Variants in AKAP8 observed in about 807,000 individuals in gnomAD.
The protein encoded by AKAP8 is A-kinase anchoring protein 8.
Under a neutral mutation model 67.5 loss-of-function variants are expected in AKAP8, and 24 were observed. The observed-to-expected ratio is 0.36, with a 90% CI of 0.26 to 0.50. The LOEUF is 0.50. Ranked by LOEUF, AKAP8 falls within the 20% of genes least tolerant of loss-of-function variation. The probability of loss-of-function intolerance (pLI) is 0.97; values close to 1 mark genes in which losing one functional copy is unlikely to be tolerated. For synonymous variants in AKAP8, 400 were observed against 371.1 expected (o/e 1.08, Z -0.90); for missense variants, 971 against 955.9 (o/e 1.02, Z -0.21).
intron 13 of AKAP8, among the ~76,000 whole-genome samples, chr19:15,355,810 C>T (rs1039221256): frequency 4.6e-5 from 7 of 151,838 alleles, no homozygotes; most frequent in African/African-American, 1.7e-4. Flanking sequence ...GATCTCAGCT[C>T]ACCACAACCT....
In AKAP8 at chr19:15,369,202, T is replaced by A. The variant is rs929388627; in HGVS notation, c.1073-880A>T. 1 of 985,364 alleles carries A rather than the reference T, an allele frequency of 1.0e-6. No homozygotes were observed. The highest frequency in any genetic ancestry group is 1.7e-5 in the African/African-American group (1 of 57,224). 61.0% of individuals were successfully genotyped at this position (985,364 alleles called of 1,614,324 possible). ...CTATGACTGCTGTTTAATAGCAAAG[T>A]CATCCCGGGTAGGTAGCAGGACCTG... On this transcript the variant is annotated intron_variant, in intron 8 of 13. Transcript: ENST00000269701. The surrounding 1 kb of genome is among the most constrained non-coding windows in gnomAD (Gnocchi z 4.6).
rs1299204029 is a variant in AKAP8 at position 15,372,261 on chromosome 19, G to A, written c.948C>T (p.Thr316=). The part of the protein sequence containing the change: ...KQFQLYEEPD[T]KLARVDSEGD... ...CTTCACTGTCAACCCGGGCCAGTTT[G>A]GTGTCTGGCTCCTCGTAAAGTTGGA... Residue 316 remains threonine, a synonymous_variant, in exon 6 of 14, where the codon ACC becomes ACT. Coordinates refer to ENST00000269701, the MANE Select transcript of AKAP8 (RefSeq NM_005858.4). 1.2e-6 allele frequency: 2 copies of A among 1,614,048 alleles called. No individual in the cohort carries two copies. Among genetic ancestry groups the A allele is most frequent in the African/African-American group, 2.7e-5 (2 of 74,904 alleles).
intron 7 of AKAP8, among the ~76,000 whole-genome samples, chr19:15,370,851 C>T (rs1171853382): frequency 6.6e-6 from 1 of 152,010 alleles, no homozygotes; most frequent in Non-Finnish European, 1.5e-5. Context: ...AGGATGGTCT[C>T]AATCTTGTGA....
At chr19:15,370,491 C>T (rs551576876) in intron 7 of AKAP8, among the ~76,000 whole-genome samples, 82 of 152,198 alleles carry the variant, frequency 5.4e-4, no homozygotes, top group Admixed American at 1.3e-3. Flanking sequence ...CCCACCCGTA[C>T]AATTCTATGA....
rs187626842 is a variant in AKAP8, at chr19:15,353,489, G to A, written c.*1426C>T. 1 of 152,064 alleles carries A rather than the reference G, an allele frequency of 6.6e-6. No individual in the cohort carries two copies. Among genetic ancestry groups the A allele is most frequent in the African/African-American group, 2.4e-5 (1 of 41,484 alleles). The allele number at this position is 152,064 out of a possible 1,614,324, so 9.4% of individuals were successfully genotyped here. A position where few individuals can be genotyped will look rare whatever the true frequency, so the allele number is the denominator to read the frequency against. ...TAAGACGCATCTACACAACACAAAC[G>A]GATGCTGAGCAGAAATGACCCAGAG... On this transcript the variant is annotated 3_prime_UTR_variant, in exon 14 of 14. Transcript: ENST00000269701.
At chr19:15,366,587 A>C (rs1214625442) in intron 9 of AKAP8, among the ~76,000 whole-genome samples, 4 of 150,690 alleles carry the variant, frequency 2.7e-5, no homozygotes, top group African/African-American at 9.8e-5. Context: ...GCTGGAGTGC[A>C]GTAGCACAAT....
chr19:15,374,730 G>A (rs1967223328), intron 2 of AKAP8, 95 bp from the exon 3 acceptor site: 7 of 1,462,848 alleles, frequency 4.8e-6, no homozygotes, highest in Non-Finnish European at 5.7e-6. Flanking sequence ...CAGCCCCAGG[G>A]CCAGGGCTTC....
At position 15,355,126 on chromosome 19, in the gene AKAP8, T is replaced by C; in HGVS notation, c.1868A>G (p.Gln623Arg). 6.2e-7 allele frequency: 1 copy of C among 1,613,706 alleles called. No individual in the cohort carries two copies. ...AEAGSDPQAE[Q>R]LLEEQVPCGT... ...ACAGGGCACCTGCTCTTCCAGCAGCTGTTCGGCTTGAGGATCACTACCGGC... is the reference window on the plus strand; with the variant it reads ...ACAGGGCACCTGCTCTTCCAGCAGCCGTTCGGCTTGAGGATCACTACCGGC... Residue 623 changes from glutamine to arginine, a missense_variant, in exon 14 of 14, where the codon CAG becomes CGG. Gln to Arg is a conservative substitution (Grantham distance 43, BLOSUM62 1). Coordinates refer to ENST00000269701, the MANE Select transcript of AKAP8 (RefSeq NM_005858.4).
Position 15,355,278 on chromosome 19 carries a change from C to A in AKAP8, c.1716G>T (p.Glu572Asp). 6.2e-7 allele frequency: 1 copy of A among 1,613,506 alleles called. No individual in the cohort carries two copies. Among genetic ancestry groups the A allele is most frequent in the East Asian group, 2.2e-5 (1 of 44,892 alleles). Residue 572 changes from glutamate to aspartate, a missense_variant, in exon 14 of 14, where the codon GAG (glutamate) becomes GAT (aspartate). Transcript: ENST00000269701. ...GGEDKKETPE[E>D]VAADVLAEVI... ...CCTCTGCTAAGACGTCCGCGGCCAC[C>A]TCCTCAGGTGTCTCTTTCTTATCCT...
In AKAP8 at chr19:15,355,343, C is replaced by T. The variant is rs1187703234; in HGVS notation, c.1651G>A (p.Val551Ile). 1 of 1,613,644 alleles carries T rather than the reference C, an allele frequency of 6.2e-7. No individual in the cohort carries two copies. The highest frequency in any genetic ancestry group is 8.5e-7 in the Non-Finnish European group (1 of 1,179,950). ...KGEDPFTSET[V>I]DPEMEGDDNL... ...TCATCTCCTTCCATTTCTGGATCAA[C>T]AGTTTCACTGGTGAAAGGGTCCTCA... is the stretch of plus-strand genomic sequence containing the variant. Residue 551 changes from valine (V) to isoleucine (I), a missense_variant, in exon 14 of 14, where the codon GTT (valine) becomes ATT (isoleucine). Transcript: ENST00000269701.
intron 13 of AKAP8, among the ~76,000 whole-genome samples, chr19:15,357,428 CAAAAAAAAAA>C (rs59205660): frequency 1.5e-4 from 6 of 40,702 alleles, no homozygotes; most frequent in African/African-American, 2.2e-4. Flanking sequence ...GACTCCATCT[CAAAAAAAAAA>C]AAAAAAAAAA....
chr19:15,375,781 C>T (rs1315736440), intron 2 of AKAP8, among the ~76,000 whole-genome samples: 3 of 151,980 alleles, frequency 2.0e-5, no homozygotes, highest in East Asian at 1.9e-4. Flanking sequence ...GGACTACAGG[C>T]GCCCGCCACC....
intron 13 of AKAP8, 37 bp from the exon 14 acceptor site, chr19:15,355,407 G>C: frequency 6.4e-7 from 1 of 1,571,822 alleles, no homozygotes; most frequent in Non-Finnish European, 8.6e-7. Context: ...CGTGGTGTAA[G>C]CAGAGCTCAG....
At position 15,374,639 on chromosome 19, in the gene AKAP8, A is replaced by C; in HGVS notation, c.59-4T>G. 1.9e-6 allele frequency: 3 copies of C among 1,612,086 alleles called. No homozygotes were observed. The highest frequency in any genetic ancestry group is 2.5e-6 in the Non-Finnish European group (3 of 1,178,976). ...GCCACACCAGTTCCATATGCACCTT[A>C]GGGGAAACAGAAACACACAAGAGCC... On this transcript the variant is annotated splice_region_variant and splice_polypyrimidine_tract_variant and intron_variant, in intron 2 of 13. Transcript: ENST00000269701.
chr19:15,373,572 G>T, intron 4 of AKAP8: 1 of 905,776 alleles, frequency 1.1e-6, no homozygotes, highest in Non-Finnish European at 1.6e-6. Context: ...GGAGTCTCGG[G>T]GAGCTTAGCC....
intron 12 of AKAP8, 104 bp downstream of exon 12, chr19:15,360,744 T>C (rs777771272): frequency 7.2e-6 from 10 of 1,382,806 alleles, no homozygotes; most frequent in Admixed American, 5.4e-5. Context: ...ACTTGAAACA[T>C]AGCAAGAACC....
intron 2 of AKAP8, among the ~76,000 whole-genome samples, chr19:15,376,323 T>C (rs1052473987): frequency 6.6e-6 from 1 of 152,102 alleles, no homozygotes; most frequent in African/African-American, 2.4e-5. Context: ...GAGACCAGCT[T>C]GGCCAACATG....
At chr19:15,379,533 G>A (rs1054809804) in intron 1 of AKAP8, 180 bp downstream of exon 1, 40 of 601,916 alleles carry the variant, frequency 6.6e-5, no homozygotes, top group Non-Finnish European at 8.7e-5. Context: ...GCAGAGCCCC[G>A]GGAGCGACGG....
chr19:15,363,353 T>TGGG (rs745575610), intron 9 of AKAP8, among the ~76,000 whole-genome samples: 3 of 104,992 alleles, frequency 2.9e-5, no homozygotes, highest in Non-Finnish European at 5.8e-5. Flanking sequence ...GGGAGGGAGG[T>TGGG]GGGGGGGGGT....
Sources: gnomAD v4.1 joint callset for allele counts (sites outside exome capture counted in the v4.1 genomes callset) on GRCh38, gnomAD v4.1.1 for gene constraint, Gnocchi (gnomAD v3.1) non-coding constraint, MANE v1.5 for transcripts, NCBI Gene and HGNC (gene_info 2026-07-23, HGNC 2026-07-21) for gene names.